ENOX2: variants seen among roughly 807,000 people sequenced by gnomAD.
ENOX2 encodes the protein APK1 antigen.
Under a neutral mutation model 45.0 loss-of-function variants are expected in ENOX2, and 36 were observed. The observed-to-expected ratio is 0.80, with a 90% CI of 0.61 to 1.06. The LOEUF is 1.06. Ranked by LOEUF, ENOX2 falls within the 50% of genes least tolerant of loss-of-function variation. The probability of loss-of-function intolerance (pLI) is 0.00; values close to 1 mark genes in which losing one functional copy is unlikely to be tolerated. For synonymous variants in ENOX2, 174 were observed against 152.3 expected (o/e 1.14, Z -1.05); for missense variants, 423 against 462.5 (o/e 0.91, Z 0.78).
At chrX:130,848,742 A>G (rs929347091) in intron 2 of ENOX2, among the ~76,000 whole-genome samples, 1 of 111,390 alleles carries the variant, frequency 9.0e-6, no homozygotes, top group African/African-American at 3.3e-5. Flanking sequence ...ATCCCAGTGA[A>G]CCAAGATTGT....
intron 2 of ENOX2, among the ~76,000 whole-genome samples, chrX:130,850,476 G>A (rs770767120): frequency 8.9e-6 from 1 of 111,740 alleles, no homozygotes; most frequent in South Asian, 3.8e-4. Context: ...TATATGTACA[G>A]GGTTATAAGA....
intron 10 of ENOX2, among the ~76,000 whole-genome samples, chrX:130,639,161 T>C (rs1464723503): frequency 9.0e-6 from 1 of 111,469 alleles, no homozygotes; most frequent in African/African-American, 3.3e-5. Context: ...ATTTTGAAAT[T>C]GCAGACCATC....
chrX:130,707,450 T>C (rs771513117), intron 3 of ENOX2, among the ~76,000 whole-genome samples: 22 of 110,788 alleles, frequency 2.0e-4, no homozygotes, highest in Non-Finnish European at 4.0e-4. Flanking sequence ...TTTTGTATTG[T>C]TGATGCATCA....
At chrX:130,820,324 G>A (rs1281653033) in intron 2 of ENOX2, among the ~76,000 whole-genome samples, 1 of 112,361 alleles carries the variant, frequency 8.9e-6, no homozygotes, top group East Asian at 2.8e-4. Flanking sequence ...GTGTTAGTGA[G>A]AATCTGGAGA....
intron 12 of ENOX2, among the ~76,000 whole-genome samples, chrX:130,634,461 C>T (rs773844993): frequency 1.8e-5 from 2 of 111,880 alleles, no homozygotes; most frequent in Non-Finnish European, 3.8e-5. Context: ...TGGCTTCTAG[C>T]TTTAGAATAC....
At chrX:130,837,524 A>T (rs2077948597) in intron 2 of ENOX2, among the ~76,000 whole-genome samples, 5 of 112,097 alleles carry the variant, frequency 4.5e-5, no homozygotes. Context: ...TAACAGTGGC[A>T]TCTAGACATA....
chrX:130,665,884 T>C (rs1296642322), intron 8 of ENOX2, 135 bp from the exon 9 acceptor site: 1 of 421,981 alleles, frequency 2.4e-6, no homozygotes, highest in Non-Finnish European at 4.1e-6. Context: ...TACTAAGCTG[T>C]GGTTGTGCTT....
Position 130,623,150 on chromosome X carries a change from A to G in ENOX2, c.*2164T>C, listed in dbSNP as rs2035462741. 9.0e-6 allele frequency among the ~76,000 whole-genome samples: 1 copy of G among 111,590 alleles called. No homozygotes were observed. The highest frequency in any genetic ancestry group is 1.9e-5 in the Non-Finnish European group (1 of 53,198). On this transcript the variant is annotated 3_prime_UTR_variant, in exon 15 of 15. Transcript: ENST00000394363. ...GTGTTTGACCAAGCAACTGGGCACTATAGCCTAGCCAAGTTGCCACACAAA... is the reference window on the plus strand; with the variant it reads ...GTGTTTGACCAAGCAACTGGGCACTGTAGCCTAGCCAAGTTGCCACACAAA...
chrX:130,625,295 A>G lies in ENOX2; in HGVS notation c.*19T>C, dbSNP rs2035512312. On this transcript the variant is annotated 3_prime_UTR_variant, in exon 15 of 15. Coordinates refer to ENST00000394363, the MANE Select transcript of ENOX2 (RefSeq NM_006375.4). ...ACACATATTTATCTTCAGGATCCCA[A>G]GTTGTTAGGCAAAGAGATTTAGGTC... 5 of 1,204,401 alleles carry G rather than the reference A, an allele frequency of 4.2e-6. No homozygotes were observed. Among genetic ancestry groups the G allele is most frequent in the Non-Finnish European group, 4.5e-6 (4 of 891,742 alleles).
intron 3 of ENOX2, among the ~76,000 whole-genome samples, chrX:130,783,172 C>T (rs1303260739): frequency 1.8e-5 from 2 of 111,975 alleles, no homozygotes; most frequent in African/African-American, 6.5e-5. Context: ...CTACCTAAAT[C>T]GATGCTCTTT....
intron 2 of ENOX2, among the ~76,000 whole-genome samples, chrX:130,869,580 G>A (rs1448620875): frequency 4.5e-5 from 5 of 111,746 alleles, no homozygotes; most frequent in Non-Finnish European, 9.4e-5. Flanking sequence ...TATATGGTAG[G>A]TGTCATTTCT....
At chrX:130,827,923 G>A (rs2077749169) in intron 2 of ENOX2, among the ~76,000 whole-genome samples, 2 of 111,535 alleles carry the variant, frequency 1.8e-5, no homozygotes, top group South Asian at 7.4e-4. Context: ...ATGTATTTAT[G>A]CTCAAACTGT....
Position 130,625,434 on chromosome X carries a change from G to T in ENOX2, c.1626C>A (p.Ser542Arg). ...GTCTACCCATGAGACACTCCACATC[G>T]CTGGTGCAGATCTGTGGGACAGAGA... ...LHRLDNKICT[S>R]DVECLMGRLQ... is the part of the protein sequence containing the mutation. The change falls in exon 15 of 15, where the codon AGC (serine) becomes AGA (arginine). Residue 542 changes from serine (S) to arginine (R), a missense_variant. Transcript: ENST00000394363. The T allele has an allele frequency of 8.3e-7, 1 of 1,208,119 alleles. No individual in the cohort carries two copies. Among genetic ancestry groups the T allele is most frequent in the Non-Finnish European group, 1.1e-6 (1 of 893,612 alleles).
At chrX:130,803,459 T>C (rs977504359) in intron 2 of ENOX2, among the ~76,000 whole-genome samples, 2 of 112,038 alleles carry the variant, frequency 1.8e-5, no homozygotes, top group Non-Finnish European at 3.8e-5. Flanking sequence ...TTCACCCATA[T>C]TTAAAACCTT....
chrX:130,700,346 T>G (rs1365708281), intron 4 of ENOX2, among the ~76,000 whole-genome samples: 1 of 112,449 alleles, frequency 8.9e-6, no homozygotes, highest in Non-Finnish European at 1.9e-5. Context: ...ATGACCAGGT[T>G]TCTAAAGAGT....
At chrX:130,631,775 A>C (rs2035734349) in intron 12 of ENOX2, among the ~76,000 whole-genome samples, 199 bp from the exon 13 acceptor site, 1 of 110,571 alleles carries the variant, frequency 9.0e-6, no homozygotes, top group South Asian at 3.9e-4. Flanking sequence ...GCTCCAAAAC[A>C]CAGAAACATT....
At position 130,775,930 on chromosome X, in the gene ENOX2, T is replaced by C. The variant is rs1031510440; in HGVS notation, c.-39+7617A>G. ...TAAGTTGCTTTCCCCATTAAACAAA[T>C]TTGGAAACTGAGGCTTAGAAATGGC... is the stretch of plus-strand genomic sequence containing the variant. On this transcript the variant is annotated intron_variant, in intron 3 of 14. Transcript: ENST00000394363. Among the ~76,000 whole-genome samples the C allele has an allele frequency of 2.7e-5, 3 of 111,341 alleles. No homozygotes were observed. The Admixed American group carries it at 2.9e-4, about 11-fold the overall frequency.
chrX:130,889,464 T>C (rs2078953613), intron 2 of ENOX2, among the ~76,000 whole-genome samples: 1 of 111,506 alleles, frequency 9.0e-6, no homozygotes, highest in African/African-American at 3.3e-5. Context: ...GTAAAATATA[T>C]ATCCAAAATC....
rs952099178 is a variant in ENOX2, at chrX:130,765,909, C to T, written c.-39+17638G>A. Reference sequence around the variant, plus strand: ...TCTCAAGAATTTCATATGTCTAACACTTTCCTTTCTTAGCATGGGTTCCTC... The same window carrying T: ...TCTCAAGAATTTCATATGTCTAACATTTTCCTTTCTTAGCATGGGTTCCTC... On this transcript the variant is annotated intron_variant, in intron 3 of 14. Coordinates refer to ENST00000394363, the MANE Select transcript of ENOX2 (RefSeq NM_006375.4). Among the ~76,000 whole-genome samples, 10 of 111,521 alleles carry T rather than the reference C, an allele frequency of 9.0e-5. 1 individual carries two copies. The Admixed American group carries it at 9.6e-4, about 11-fold the overall frequency.
Sources: gnomAD v4.1 joint callset for allele counts (sites outside exome capture counted in the v4.1 genomes callset) on GRCh38, gnomAD v4.1.1 for gene constraint, MANE v1.5 for transcripts, NCBI Gene and HGNC (gene_info 2026-07-23, HGNC 2026-07-21) for gene names.